The following GPC6 variants were observed in gnomAD, a reference collection of about 807,000 sequenced individuals.
GPC6 encodes the protein glypican 6.
In GPC6, 14 loss-of-function variants were observed where a neutral mutation model predicts 55.2. The observed-to-expected ratio is 0.25, with a 90% CI of 0.17 to 0.40. GPC6 has a LOEUF of 0.40. Ranked by LOEUF, GPC6 falls within the 10% of genes least tolerant of loss-of-function variation. GPC6 has a pLI of 1.00. For missense variants in GPC6, 641 were observed against 708.5 expected (o/e 0.90, Z 1.08); for synonymous variants, 278 against 259.6 (o/e 1.07, Z -0.68).
chr13:93,567,103 C>T (rs754059353), intron 2 of GPC6, among the ~76,000 whole-genome samples: 4 of 152,072 alleles, frequency 2.6e-5, no homozygotes, highest in Non-Finnish European at 4.4e-5. Flanking sequence ...CTGGGTCAAA[C>T]GATATTTCTA....
At chr13:93,974,641 G>A (rs1054198009) in intron 3 of GPC6, among the ~76,000 whole-genome samples, 18 of 152,116 alleles carry the variant, frequency 1.2e-4, no homozygotes, top group Non-Finnish European at 1.0e-4. Context: ...TTAATAGGAC[G>A]TTTGATTTTC....
intron 1 of GPC6, among the ~76,000 whole-genome samples, chr13:93,368,221 T>A (rs1881317263): frequency 6.6e-6 from 1 of 151,944 alleles, no homozygotes; most frequent in South Asian, 2.1e-4. Flanking sequence ...CTATTCTATC[T>A]AATATTAAAA....
chr13:93,842,067 T>C (rs879656780), intron 3 of GPC6, among the ~76,000 whole-genome samples: 9 of 152,190 alleles, frequency 5.9e-5, no homozygotes, highest in Non-Finnish European at 1.0e-4. Flanking sequence ...TAAAAACACG[T>C]TCTGTTACTA....
intron 4 of GPC6, among the ~76,000 whole-genome samples, chr13:94,189,675 A>C (rs1188676758): frequency 6.6e-6 from 1 of 152,210 alleles, no homozygotes; most frequent in Non-Finnish European, 1.5e-5. Flanking sequence ...AAACTTAAAA[A>C]ATTCATTCCA....
intron 4 of GPC6, among the ~76,000 whole-genome samples, chr13:94,264,337 T>C (rs1248771569): frequency 6.6e-6 from 1 of 152,196 alleles, no homozygotes; most frequent in East Asian, 1.9e-4. Context: ...AAGGAATAAA[T>C]AAATAAAGAT....
In GPC6 at chr13:93,830,221, C is replaced by T. The variant is rs1028533457; in HGVS notation, c.387C>T (p.Gly129=). The change falls in exon 3 of 9, where the codon GGC becomes GGT. Residue 129 remains glycine (G), a synonymous_variant. Coordinates refer to ENST00000377047, the MANE Select transcript of GPC6 (RefSeq NM_005708.5). ...SLNDMFVRTY[G]MLYMQNSEVF... ...ATGATATGTTTGTACGGACCTATGG[C>T]ATGCTGTACATGCAGAATTCAGAAG... 2.5e-6 allele frequency: 4 copies of T among 1,607,248 alleles called. No individual in the cohort carries two copies. The highest frequency in any genetic ancestry group is 3.4e-6 in the Non-Finnish European group (4 of 1,175,220).
At chr13:93,764,827 T>A (rs1012039243) in intron 2 of GPC6, among the ~76,000 whole-genome samples, 6 of 152,002 alleles carry the variant, frequency 3.9e-5, no homozygotes, top group Non-Finnish European at 8.8e-5. Flanking sequence ...TTAGACAGAG[T>A]CTTGCTCTCT....
In GPC6 at chr13:93,697,642, C is replaced by T. The variant is rs189734907; in HGVS notation, c.320-132512C>T. Among the ~76,000 whole-genome samples the T allele has an allele frequency of 2.6e-3, 397 of 152,124 alleles. 4 individuals are homozygous for T. Among genetic ancestry groups the T allele is most frequent in the Middle Eastern group, 0.01 (3 of 294 alleles). ...ATGCTGTTCTGTACTGTCAATTAAC[C>T]GTCCATTACTTTGTCCATACGTTAG... On this transcript the variant is annotated intron_variant, in intron 2 of 8. Transcript: ENST00000377047.
chr13:93,684,477 C>A (rs773179231), intron 2 of GPC6, among the ~76,000 whole-genome samples: 1 of 152,082 alleles, frequency 6.6e-6, no homozygotes, highest in African/African-American at 2.4e-5. Flanking sequence ...TGTGAGCTAC[C>A]ACGCCAAGCC....
At chr13:93,884,337 T>G (rs1875193559) in intron 3 of GPC6, among the ~76,000 whole-genome samples, 1 of 152,102 alleles carries the variant, frequency 6.6e-6, no homozygotes, top group African/African-American at 2.4e-5. Context: ...GAATGCAAGT[T>G]TATCAATTGT....
At chr13:93,433,749 G>T (rs578198797) in intron 1 of GPC6, among the ~76,000 whole-genome samples, 1 of 152,154 alleles carries the variant, frequency 6.6e-6, no homozygotes, top group Admixed American at 6.6e-5. Flanking sequence ...GCTATGGTGG[G>T]TTTTCCAGGG....
At chr13:93,913,544 C>A (rs1200364876) in intron 3 of GPC6, among the ~76,000 whole-genome samples, 1 of 152,060 alleles carries the variant, frequency 6.6e-6, no homozygotes, top group Non-Finnish European at 1.5e-5. Flanking sequence ...TAAATTTAGC[C>A]ATTTTCTCTC....
At chr13:94,337,872 C>T (rs1877801382) in intron 6 of GPC6, among the ~76,000 whole-genome samples, 1 of 152,212 alleles carries the variant, frequency 6.6e-6, no homozygotes, top group Non-Finnish European at 1.5e-5. Flanking sequence ...TGTGAACATT[C>T]ACACCCATTT....
chr13:93,771,304 G>T (rs1211814332), intron 2 of GPC6, among the ~76,000 whole-genome samples: 2 of 152,170 alleles, frequency 1.3e-5, no homozygotes, highest in East Asian at 3.9e-4. Flanking sequence ...TCGGTGAAAG[G>T]CTTCCCACGG....
chr13:94,041,668 T>C (rs951863915), intron 4 of GPC6, among the ~76,000 whole-genome samples: 4 of 151,886 alleles, frequency 2.6e-5, no homozygotes, highest in African/African-American at 9.7e-5. Context: ...TTTATCTGAA[T>C]GAATAAAATT....
At chr13:94,289,330 G>T (rs1024299804) in intron 5 of GPC6, among the ~76,000 whole-genome samples, 1 of 152,022 alleles carries the variant, frequency 6.6e-6, no homozygotes, top group African/African-American at 2.4e-5. Flanking sequence ...CTGCATGGCT[G>T]GTCATTTCAC....
chr13:93,235,950 A>G (rs1876219269), intron 1 of GPC6, among the ~76,000 whole-genome samples: 1 of 152,162 alleles, frequency 6.6e-6, no homozygotes, highest in Non-Finnish European at 1.5e-5. Flanking sequence ...ATCACCTCCA[A>G]ATAAACACAA....
At chr13:94,389,805 T>C (rs570609468) in intron 7 of GPC6, among the ~76,000 whole-genome samples, 1 of 152,288 alleles carries the variant, frequency 6.6e-6, no homozygotes, top group South Asian at 2.1e-4. Context: ...CTCTCCCCCA[T>C]AAAACTGACA....
intron 4 of GPC6, among the ~76,000 whole-genome samples, chr13:94,173,254 T>C (rs932846062): frequency 6.6e-6 from 1 of 152,062 alleles, no homozygotes; most frequent in African/African-American, 2.4e-5. Context: ...CACAAGAAAT[T>C]GCTATGTTTG....
Sources: gnomAD v4.1 joint callset for allele counts (sites outside exome capture counted in the v4.1 genomes callset) on GRCh38, gnomAD v4.1.1 for gene constraint, MANE v1.5 for transcripts, NCBI Gene and HGNC (gene_info 2026-07-23, HGNC 2026-07-21) for gene names.